The following KIF6 variants were observed in gnomAD, a reference collection of about 807,000 sequenced individuals.
KIF6 encodes kinesin-like protein KIF6.
A neutral mutation model predicts 112.7 loss-of-function variants in KIF6; 106 were observed. That is an observed-to-expected ratio of 0.94 (90% CI 0.80 to 1.11). The LOEUF (loss-of-function observed/expected upper bound fraction) is 1.11, where lower values mean the gene tolerates loss of function less well. Among genes scored for constraint, KIF6 ranks in the 50% least tolerant of loss-of-function variants. The pLI, the probability that KIF6 is intolerant of heterozygous loss-of-function variation, is 0.00. For missense variants in KIF6, 929 were observed against 964.0 expected (o/e 0.96, Z 0.48); for synonymous variants, 339 against 339.9 (o/e 1.00, Z 0.03).
chr6:39,449,853 C>G (rs914986240), intron 13 of KIF6, among the ~76,000 whole-genome samples: 2 of 152,200 alleles, frequency 1.3e-5, no homozygotes, highest in Non-Finnish European at 2.9e-5. Flanking sequence ...CTCTCTGCCC[C>G]CACAATCAGA....
intron 19 of KIF6, among the ~76,000 whole-genome samples, chr6:39,348,080 G>A (rs1763946946): frequency 6.6e-6 from 1 of 152,240 alleles, no homozygotes; most frequent in Non-Finnish European, 1.5e-5. Context: ...CTCCTGCTGA[G>A]TGGTTCCTGG....
intron 4 of KIF6, among the ~76,000 whole-genome samples, chr6:39,635,413 T>C (rs778708374): frequency 1.3e-5 from 2 of 152,110 alleles, no homozygotes; most frequent in Non-Finnish European, 2.9e-5. Context: ...ATCATCATTC[T>C]TTTTCTACTT....
At chr6:39,347,892 C>G (rs1274424929) in intron 19 of KIF6, among the ~76,000 whole-genome samples, 2 of 152,276 alleles carry the variant, frequency 1.3e-5, no homozygotes, top group South Asian at 4.1e-4. Context: ...GAAGCCCCCC[C>G]TCACCCACCA....
chr6:39,686,153 T>C (rs1243889587), intron 3 of KIF6, among the ~76,000 whole-genome samples: 2 of 152,248 alleles, frequency 1.3e-5, no homozygotes, highest in Admixed American at 6.5e-5. Flanking sequence ...CTTAAGTCTT[T>C]GCCAGGACAA....
At position 39,385,672 on chromosome 6, in the gene KIF6, C is replaced by A; in HGVS notation, c.1811G>T (p.Gly604Val). 5.0e-6 allele frequency: 8 copies of A among 1,612,788 alleles called. No individual in the cohort carries two copies. Among genetic ancestry groups the A allele is most frequent in the Non-Finnish European group, 6.8e-6 (8 of 1,179,196 alleles). The change falls in exon 16 of 23, where the codon GGT becomes GTT. Residue 604 changes from glycine to valine, a missense_variant and splice_region_variant. Coordinates refer to ENST00000287152, the MANE Select transcript of KIF6 (RefSeq NM_145027.6). ...ESINEARSKI[G>V]HLKEEITQRH... ...CTGGGTGATTTCTTCCTTCAGGTGA[C>A]CTGCCAAAGACACAAAAGAAAACTA... is the stretch of plus-strand genomic sequence containing the variant.
At chr6:39,417,481 C>A (rs992699505) in intron 15 of KIF6, among the ~76,000 whole-genome samples, 9 of 152,212 alleles carry the variant, frequency 5.9e-5, no homozygotes, top group South Asian at 2.1e-4. Flanking sequence ...CTGGATAAAA[C>A]AAATGTTTAC....
At chr6:39,690,893 T>C (rs1206336587) in intron 3 of KIF6, 6 of 152,186 alleles carry the variant, frequency 3.9e-5, no homozygotes, top group African/African-American at 1.4e-4. Context: ...AGTGCACTGA[T>C]GGAGATGTGA....
At chr6:39,482,724 C>T (rs192644263) in intron 13 of KIF6, among the ~76,000 whole-genome samples, 7 of 152,216 alleles carry the variant, frequency 4.6e-5, no homozygotes, top group African/African-American at 1.7e-4. Flanking sequence ...TCCCTCCCAT[C>T]CATTGGTAAG....
intron 12 of KIF6, among the ~76,000 whole-genome samples, chr6:39,540,435 G>A (rs897619847): frequency 6.6e-6 from 1 of 152,140 alleles, no homozygotes; most frequent in African/African-American, 2.4e-5. Flanking sequence ...ATTAGCAAAC[G>A]CAAGGTCTTT....
At chr6:39,709,368 A>C (rs1028251598) in intron 3 of KIF6, among the ~76,000 whole-genome samples, 1 of 152,124 alleles carries the variant, frequency 6.6e-6, no homozygotes, top group Non-Finnish European at 1.5e-5. Context: ...TCTCATAAGG[A>C]GTGTGTAACC....
chr6:39,456,803 T>A (rs1246239921), intron 13 of KIF6, among the ~76,000 whole-genome samples: 1 of 134,124 alleles, frequency 7.5e-6, no homozygotes, highest in African/African-American at 2.9e-5. Context: ...AAGGGATCAA[T>A]TCAACAAGAG....
At chr6:39,458,049 C>G (rs1002176533) in intron 13 of KIF6, among the ~76,000 whole-genome samples, 5 of 151,994 alleles carry the variant, frequency 3.3e-5, no homozygotes, top group African/African-American at 7.3e-5. Context: ...GATACCAAAG[C>G]TGGGCAGAGA....
intron 3 of KIF6, among the ~76,000 whole-genome samples, chr6:39,640,650 A>C (rs1784854049): frequency 6.6e-6 from 1 of 151,966 alleles, no homozygotes. Context: ...CCTCCCTATT[A>C]GTTCTGTCAA....
chr6:39,661,039 C>A lies in KIF6; in HGVS notation c.252-21282G>T, dbSNP rs1223928864. On this transcript the variant is annotated intron_variant, in intron 3 of 22. Coordinates refer to ENST00000287152, the MANE Select transcript of KIF6 (RefSeq NM_145027.6). Reference sequence around the variant, plus strand: ...CCAAATTGGTCTTACTTCCATAAGACCATAATTATTGCACTATGGAATCAA... The same window carrying A: ...CCAAATTGGTCTTACTTCCATAAGAACATAATTATTGCACTATGGAATCAA... 2.0e-5 allele frequency among the ~76,000 whole-genome samples: 3 copies of A among 152,212 alleles called. No individual in the cohort carries two copies. In the East Asian group the frequency reaches 5.8e-4, roughly 29 times the overall value.
At chr6:39,679,614 C>CTTTTT (rs55936243) in intron 3 of KIF6, among the ~76,000 whole-genome samples, 24 of 106,464 alleles carry the variant, frequency 2.3e-4, no homozygotes, top group African/African-American at 6.0e-4. Context: ...CTTTTCTTTT[C>CTTTTT]TTTTTTTTTT....
chr6:39,390,946 C>G, intron 15 of KIF6, among the ~76,000 whole-genome samples: 1 of 152,152 alleles, frequency 6.6e-6, no homozygotes, highest in Non-Finnish European at 1.5e-5. Flanking sequence ...ATTGTGTAAT[C>G]CTTACACGGA....
intron 13 of KIF6, among the ~76,000 whole-genome samples, chr6:39,492,977 A>G (rs934364531): frequency 2.0e-5 from 3 of 152,218 alleles, no homozygotes; most frequent in African/African-American, 4.8e-5. Context: ...CATGAAGCTG[A>G]CTGCTTCATG....
chr6:39,385,113 C>T (rs114964027), intron 16 of KIF6, among the ~76,000 whole-genome samples: 6,412 of 152,306 alleles, frequency 0.042, 151 homozygotes, highest in African/African-American at 0.054. Context: ...TGTTTCAACA[C>T]TCACTGGCTA....
chr6:39,457,728 G>T (rs1773224734), intron 13 of KIF6, among the ~76,000 whole-genome samples: 1 of 152,118 alleles, frequency 6.6e-6, no homozygotes, highest in Admixed American at 6.5e-5. Context: ...TACCATCAAA[G>T]AATACTACAA....
Sources: allele counts gnomAD v4.1 joint callset (sites outside exome capture counted in the v4.1 genomes callset), GRCh38; gene constraint gnomAD v4.1.1; transcripts MANE v1.5; gene names NCBI Gene and HGNC (gene_info 2026-07-23, HGNC 2026-07-21).